The following SUSD4 variants were observed in gnomAD, a reference collection of about 807,000 sequenced individuals.
The protein encoded by SUSD4 is sushi domain-containing protein 4.
Under a neutral mutation model 50.5 loss-of-function variants are expected in SUSD4, and 41 were observed. The ratio of observed to expected loss-of-function variants is 0.81; its 90% CI spans 0.63 to 1.05. SUSD4 has a LOEUF of 1.05. Ranked by LOEUF, SUSD4 falls within the 50% of genes least tolerant of loss-of-function variation. The probability of loss-of-function intolerance (pLI) is 0.00; values close to 1 mark genes in which losing one functional copy is unlikely to be tolerated. For missense variants in SUSD4, 580 were observed against 634.7 expected, an observed-to-expected ratio of 0.91 and a Z score of 0.93; for synonymous variants, 257 against 257.3, an observed-to-expected ratio of 1.00 and a Z score of 0.01.
intron 2 of SUSD4, among the ~76,000 whole-genome samples, chr1:223,317,834 CTT>C (rs1235672082): frequency 3.5e-4 from 28 of 80,166 alleles, no homozygotes; most frequent in Admixed American, 7.2e-4. Context: ...GCTTGCCCTT[CTT>C]TTTTTTTTTT....
rs905092681 is a variant in SUSD4, at chr1:223,332,845, G to T, written c.148+30433C>A. 6.6e-6 allele frequency among the ~76,000 whole-genome samples: 1 copy of T among 152,048 alleles called. No homozygotes were observed. Among genetic ancestry groups the T allele is most frequent in the African/African-American group, 2.4e-5 (1 of 41,376 alleles). On this transcript the variant is annotated intron_variant, in intron 2 of 8. Transcript: ENST00000366878. The surrounding 1 kb of genome is among the most constrained non-coding windows in gnomAD (Gnocchi z 4.0). ...TCCAGCTAAGCGGGTACTGGGGAGG[G>T]TGGGGACCATCCTGGGAGTGCCTTG... is the stretch of plus-strand genomic sequence containing the variant.
intron 3 of SUSD4, among the ~76,000 whole-genome samples, chr1:223,277,738 T>G (rs1663383038): frequency 6.6e-6 from 1 of 152,230 alleles, no homozygotes; most frequent in Non-Finnish European, 1.5e-5. Flanking sequence ...GCTTTCCTGC[T>G]GTGTGACTTC....
In SUSD4 at chr1:223,222,180, T is replaced by A. The variant is rs539075606; in HGVS notation, c.*12A>T. ...CGAAGGAGCAGGAGAGTCATCTGGA[T>A]CTTGACCCATATTAGGGATCTTCTT... is the stretch of plus-strand genomic sequence containing the variant. On this transcript the variant is annotated 3_prime_UTR_variant, in exon 9 of 9. Transcript: ENST00000366878. 111 of 1,613,432 alleles carry A rather than the reference T, an allele frequency of 6.9e-5. 2 individuals carry two copies. In the South Asian group the frequency reaches 1.2e-3, roughly 17 times the overall value.
intron 5 of SUSD4, among the ~76,000 whole-genome samples, chr1:223,248,293 C>T (rs187080202): frequency 5.3e-5 from 8 of 152,310 alleles, no homozygotes; most frequent in Admixed American, 4.6e-4. Context: ...GACAGCCCAG[C>T]ATGTTGTCTA....
chr1:223,227,725 G>A lies in SUSD4; in HGVS notation c.930C>T (p.Pro310=), dbSNP rs1659611324. The stretch of plus-strand genomic sequence containing the variant: ...TGGTCAGGAGGGTCTCATGGGTGCT[G>A]GGCCACGTTTGCTCTGCATGAGGGA... ...VYCIKSEQTW[P]STHETLLTTW... Residue 310 remains proline (P), a synonymous_variant, in exon 7 of 9, where the codon CCC becomes CCT. Transcript: ENST00000366878. This position sits in a 1 kb window ranked among gnomAD's most constrained non-coding sequence, Gnocchi z 4.5. 6.2e-7 allele frequency: 1 copy of A among 1,612,206 alleles called. No individual in the cohort carries two copies. The highest frequency in any genetic ancestry group is 2.2e-5 in the East Asian group (1 of 44,788).
intron 2 of SUSD4, among the ~76,000 whole-genome samples, chr1:223,352,807 A>C (rs992296287): frequency 1.3e-5 from 2 of 152,108 alleles, no homozygotes; most frequent in Non-Finnish European, 2.9e-5. Context: ...TGCAACTCCC[A>C]GTTCACCCCA....
At chr1:223,348,077 A>C (rs955926274) in intron 2 of SUSD4, among the ~76,000 whole-genome samples, 2 of 151,954 alleles carry the variant, frequency 1.3e-5, no homozygotes, top group African/African-American at 4.8e-5. Context: ...CAACAGGAAC[A>C]TTCATTACGC....
chr1:223,267,886 T>C (rs1662601856), intron 4 of SUSD4, among the ~76,000 whole-genome samples: 1 of 151,610 alleles, frequency 6.6e-6, no homozygotes, highest in African/African-American at 2.4e-5. Flanking sequence ...ACTTGAGGGT[T>C]TATTTTCACA....
intron 7 of SUSD4, among the ~76,000 whole-genome samples, chr1:223,224,932 C>T (rs1347560514): frequency 7.2e-6 from 1 of 139,584 alleles, no homozygotes; most frequent in Non-Finnish European, 1.5e-5. Context: ...TACAGTGGCA[C>T]GATCTTGGCT....
intron 4 of SUSD4, among the ~76,000 whole-genome samples, chr1:223,266,877 G>T (rs987848028): frequency 2.6e-5 from 4 of 152,244 alleles, no homozygotes; most frequent in Non-Finnish European, 4.4e-5. Context: ...CAGCCAGTGA[G>T]CAACACTGGA....
intron 5 of SUSD4, among the ~76,000 whole-genome samples, chr1:223,252,236 A>AATATAT (rs1193229922): frequency 7.6e-4 from 68 of 89,674 alleles, no homozygotes; most frequent in Middle Eastern, 5.4e-3. Flanking sequence ...AAAAAAAAAA[A>AATATAT]ATATATATAT....
intron 5 of SUSD4, among the ~76,000 whole-genome samples, chr1:223,253,971 T>C (rs1661512332): frequency 6.6e-6 from 1 of 152,212 alleles, no homozygotes; most frequent in East Asian, 1.9e-4. Context: ...TCAGCTTGCA[T>C]GTCTGTGGAT....
chr1:223,315,704 C>G (rs186227565), intron 2 of SUSD4, among the ~76,000 whole-genome samples: 142 of 152,242 alleles, frequency 9.3e-4, no homozygotes, highest in African/African-American at 2.8e-3. Context: ...GGCTACAATT[C>G]CAGGTAAAAT....
At position 223,222,203 on chromosome 1, in the gene SUSD4, C is replaced by T; in HGVS notation, c.1462G>A (p.Glu488Lys). Residue 488 changes from glutamate (E) to lysine (K), a missense_variant, in exon 9 of 9, where the codon GAA becomes AAA. Glu to Lys is a moderately conservative substitution (Grantham distance 56, BLOSUM62 1). Coordinates refer to ENST00000366878, the MANE Select transcript of SUSD4 (RefSeq NM_017982.4). ...GATCTTGACCCATATTAGGGATCTTCTTCCATTAGAGGAATCTCTGTAAAA... is the reference window on the plus strand; with the variant it reads ...GATCTTGACCCATATTAGGGATCTTTTTCCATTAGAGGAATCTCTGTAAAA... ...DIADEIPLMEEDP is the reference protein window; with the variant it reads ...DIADEIPLMEKDP 1 of 1,613,766 alleles carries T rather than the reference C, an allele frequency of 6.2e-7. No individual in the cohort carries two copies. The highest frequency in any genetic ancestry group is 1.1e-5 in the South Asian group (1 of 90,996).
chr1:223,265,301 A>G (rs1304678728), intron 4 of SUSD4, among the ~76,000 whole-genome samples: 1 of 152,226 alleles, frequency 6.6e-6, no homozygotes, highest in Non-Finnish European at 1.5e-5. Context: ...GAATTCCACT[A>G]TAGTGGATTT....
chr1:223,239,992 T>C (rs945822997), intron 5 of SUSD4, among the ~76,000 whole-genome samples: 2 of 152,154 alleles, frequency 1.3e-5, no homozygotes, highest in African/African-American at 4.8e-5. Context: ...TCCACATTTT[T>C]GTTTGCCCAA....
intron 5 of SUSD4, chr1:223,264,077 G>A: frequency 2.0e-6 from 2 of 985,458 alleles, no homozygotes; most frequent in Non-Finnish European, 2.4e-6. Context: ...GCCAGTGGAA[G>A]CCCTGTCCTT....
At chr1:223,246,056 G>A (rs1350709781) in intron 5 of SUSD4, among the ~76,000 whole-genome samples, 2 of 152,152 alleles carry the variant, frequency 1.3e-5, no homozygotes, top group African/African-American at 4.8e-5. Flanking sequence ...CAGGAATCAT[G>A]AGCATAGAAA....
intron 2 of SUSD4, among the ~76,000 whole-genome samples, chr1:223,306,981 C>G (rs1427768477): frequency 6.6e-6 from 1 of 151,606 alleles, no homozygotes; most frequent in Non-Finnish European, 1.5e-5. Flanking sequence ...GTGTCCCTTC[C>G]ACTTCTAAAT....
Sources: gnomAD v4.1 joint callset for allele counts (sites outside exome capture counted in the v4.1 genomes callset) on GRCh38, gnomAD v4.1.1 for gene constraint, Gnocchi (gnomAD v3.1) non-coding constraint, MANE v1.5 for transcripts, NCBI Gene and HGNC (gene_info 2026-07-23, HGNC 2026-07-21) for gene names.